CSMD1: variants seen among roughly 807,000 people sequenced by gnomAD.
CSMD1 encodes the protein CUB and sushi domain-containing protein 1.
CSMD1 carries 213 observed loss-of-function variants against 417.5 expected under a neutral mutation model. The observed-to-expected ratio is 0.51, with a 90% CI of 0.46 to 0.57. CSMD1 has a LOEUF of 0.57. Among genes scored for constraint, CSMD1 ranks in the 20% least tolerant of loss-of-function variants. CSMD1 has a pLI of 0.00. For synonymous variants in CSMD1, 2,862 were observed against 1,736.8 expected (o/e 1.65, Z -16.11); for missense variants, 6,923 against 4,529.7 (o/e 1.53, Z -15.17).
chr8:4,114,809 G>T (rs141836756), intron 3 of CSMD1, among the ~76,000 whole-genome samples: 1 of 152,160 alleles, frequency 6.6e-6, no homozygotes, highest in Non-Finnish European at 1.5e-5. Flanking sequence ...TAGAAATAGC[G>T]AGAGGTAAAA....
intron 41 of CSMD1, among the ~76,000 whole-genome samples, chr8:3,129,172 A>T (rs1235643475): frequency 6.6e-6 from 1 of 152,218 alleles, no homozygotes; most frequent in Non-Finnish European, 1.5e-5. Flanking sequence ...AATGCAGGAC[A>T]AATATTTCCA....
At chr8:4,097,375 A>C (rs1801070193) in intron 3 of CSMD1, among the ~76,000 whole-genome samples, 1 of 152,252 alleles carries the variant, frequency 6.6e-6, no homozygotes, top group East Asian at 1.9e-4. Context: ...TGCTTACCAC[A>C]CACGGGTGTT....
At chr8:4,755,300 T>C (rs1811598112) in intron 1 of CSMD1, among the ~76,000 whole-genome samples, 2 of 152,246 alleles carry the variant, frequency 1.3e-5, no homozygotes, top group Admixed American at 1.3e-4. Flanking sequence ...TTTTCTTCTT[T>C]ATAGCACTTG....
chr8:4,167,231 G>C (rs74952822), intron 3 of CSMD1, among the ~76,000 whole-genome samples: 1 of 152,120 alleles, frequency 6.6e-6, no homozygotes, highest in African/African-American at 2.4e-5. Flanking sequence ...TGATTTTAGG[G>C]AAGGAGTGTC....
In CSMD1 at chr8:4,298,726, A is replaced by T. The variant is rs147466970; in HGVS notation, c.415+121227T>A. On this transcript the variant is annotated intron_variant, in intron 3 of 69. Transcript: ENST00000635120. ...GATACTAAATCAAGTATTTTCTTCC[A>T]ACTAGATGTTAAGAAATTAATGTTA... Among the ~76,000 whole-genome samples, 173 of 152,236 alleles carry T rather than the reference A, an allele frequency of 1.1e-3. 3 individuals carry two copies. In the East Asian group the frequency reaches 0.029, roughly 25 times the overall value.
intron 26 of CSMD1, among the ~76,000 whole-genome samples, chr8:3,274,034 G>A (rs1350279786): frequency 2.0e-5 from 3 of 148,612 alleles, no homozygotes; most frequent in Admixed American, 6.7e-5. Flanking sequence ...TGTCAATTTT[G>A]GATCTTTCCT....
chr8:4,252,762 G>A (rs1268051215), intron 3 of CSMD1, among the ~76,000 whole-genome samples: 2 of 152,188 alleles, frequency 1.3e-5, no homozygotes, highest in Non-Finnish European at 2.9e-5. Context: ...GACTGCAGTG[G>A]CAGACATACA....
At chr8:4,712,202 T>C (rs1183912713) in intron 1 of CSMD1, among the ~76,000 whole-genome samples, 1 of 152,208 alleles carries the variant, frequency 6.6e-6, no homozygotes, top group Non-Finnish European at 1.5e-5. Context: ...TGCGAATCCA[T>C]TAGCTCTTGA....
At chr8:4,867,425 T>G (rs537424992) in intron 1 of CSMD1, among the ~76,000 whole-genome samples, 1 of 152,088 alleles carries the variant, frequency 6.6e-6, no homozygotes. Flanking sequence ...AATACACCCC[T>G]GTAAATAAAG....
At chr8:3,253,394 C>T (rs542112965) in intron 26 of CSMD1, among the ~76,000 whole-genome samples, 1 of 152,080 alleles carries the variant, frequency 6.6e-6, no homozygotes, top group Non-Finnish European at 1.5e-5. Flanking sequence ...GTCTGAGAGA[C>T]AGTTTGTTAT....
intron 3 of CSMD1, among the ~76,000 whole-genome samples, chr8:4,170,192 G>A (rs889123814): frequency 7.9e-5 from 12 of 151,736 alleles, no homozygotes; most frequent in Non-Finnish European, 1.3e-4. Flanking sequence ...CACAGTCCAC[G>A]CGTTTCTCTC....
intron 3 of CSMD1, among the ~76,000 whole-genome samples, chr8:4,107,786 T>G (rs1801643753): frequency 6.6e-6 from 1 of 152,238 alleles, no homozygotes. Context: ...CACCACCTGC[T>G]GTTAATAACT....
At chr8:4,819,674 C>G (rs1799409630) in intron 1 of CSMD1, among the ~76,000 whole-genome samples, 1 of 152,082 alleles carries the variant, frequency 6.6e-6, no homozygotes, top group Non-Finnish European at 1.5e-5. Context: ...CTGTCTCAGT[C>G]TTTTGTAAAT....
chr8:4,584,296 G>T (rs923350930), intron 2 of CSMD1, among the ~76,000 whole-genome samples: 1 of 151,876 alleles, frequency 6.6e-6, no homozygotes, highest in African/African-American at 2.4e-5. Flanking sequence ...GACAATCGCC[G>T]AGTGGTGAGA....
chr8:4,549,676 T>A (rs1797779587), intron 2 of CSMD1, among the ~76,000 whole-genome samples: 1 of 151,238 alleles, frequency 6.6e-6, no homozygotes, highest in Non-Finnish European at 1.5e-5. Flanking sequence ...ATCACTTGAG[T>A]TCAGGAGTTC....
intron 4 of CSMD1, among the ~76,000 whole-genome samples, chr8:4,014,358 A>G (rs145446946): frequency 1.3e-3 from 196 of 152,324 alleles, no homozygotes; most frequent in Non-Finnish European, 1.4e-3. Context: ...TCTGTAAAAT[A>G]TTGAGAATCA....
At chr8:3,848,700 T>G (rs1002477907) in intron 5 of CSMD1, among the ~76,000 whole-genome samples, 7 of 152,160 alleles carry the variant, frequency 4.6e-5, no homozygotes, top group African/African-American at 1.4e-4. Flanking sequence ...ACCATCTGTG[T>G]GATCTGATCT....
intron 1 of CSMD1, among the ~76,000 whole-genome samples, chr8:4,695,481 T>C (rs1160328381): frequency 1.3e-5 from 2 of 152,232 alleles, no homozygotes; most frequent in East Asian, 3.9e-4. Context: ...CTCTCCTTTA[T>C]GATTTATCTC....
intron 3 of CSMD1, among the ~76,000 whole-genome samples, chr8:4,234,353 C>T (rs763443528): frequency 6.6e-6 from 1 of 152,118 alleles, no homozygotes; most frequent in Non-Finnish European, 1.5e-5. Flanking sequence ...CCTGAAGCAG[C>T]CTCTCTGCAG....
Sources: allele counts gnomAD v4.1 joint callset (sites outside exome capture counted in the v4.1 genomes callset), GRCh38; gene constraint gnomAD v4.1.1; transcripts MANE v1.5; gene names NCBI Gene and HGNC (gene_info 2026-07-23, HGNC 2026-07-21).